NR3C2: variants seen among roughly 807,000 people sequenced by gnomAD.
NR3C2 encodes the protein nuclear receptor subfamily 3 group C member 2.
Under a neutral mutation model 86.4 loss-of-function variants are expected in NR3C2, and 15 were observed. The ratio of observed to expected loss-of-function variants is 0.17; its 90% CI spans 0.12 to 0.27. The LOEUF is 0.27. NR3C2 is among the 10% of genes least tolerant of loss of function. The probability of loss-of-function intolerance (pLI) is 1.00; values close to 1 mark genes in which losing one functional copy is unlikely to be tolerated. For synonymous variants in NR3C2, 458 were observed against 450.5 expected (o/e 1.02, Z -0.21); for missense variants, 960 against 1,195.6 (o/e 0.80, Z 2.91).
intron 3 of NR3C2, among the ~76,000 whole-genome samples, chr4:148,202,872 G>A (rs569159059): frequency 1.3e-5 from 2 of 152,232 alleles, no homozygotes; most frequent in South Asian, 4.2e-4. Flanking sequence ...AGGGAATGTG[G>A]TCATTATGGG....
intron 3 of NR3C2, among the ~76,000 whole-genome samples, chr4:148,212,770 C>T (rs1417406300): frequency 2.0e-5 from 3 of 152,180 alleles, no homozygotes; most frequent in South Asian, 2.1e-4. Context: ...AAAATTTAAT[C>T]GCATGATCCA....
At chr4:148,377,121 A>C (rs867456261) in intron 2 of NR3C2, among the ~76,000 whole-genome samples, 1 of 152,220 alleles carries the variant, frequency 6.6e-6, no homozygotes, top group Non-Finnish European at 1.5e-5. Context: ...TAGGGAAGGA[A>C]GACAAAAGAA....
Position 148,181,505 on chromosome 4 carries a change from G to A in NR3C2, c.2014+13241C>T, listed in dbSNP as rs372097582. Among the ~76,000 whole-genome samples the A allele has an allele frequency of 1.8e-4, 27 of 152,250 alleles. No homozygotes were observed. The South Asian group carries it at 5.0e-3, about 28-fold the overall frequency. On this transcript the variant is annotated intron_variant, in intron 4 of 8. Coordinates refer to ENST00000358102, the MANE Select transcript of NR3C2 (RefSeq NM_000901.5). ...TCAAAGGACTCATTCTTGGTCTAAC[G>A]GCTGGCTAAATTTAGTGCTATGCTT... is the stretch of plus-strand genomic sequence containing the variant.
chr4:148,134,557 T>C (rs1264844449), intron 6 of NR3C2, among the ~76,000 whole-genome samples: 7 of 151,526 alleles, frequency 4.6e-5, no homozygotes, highest in African/African-American at 1.5e-4. Flanking sequence ...TTTGTTGGTT[T>C]TTTGTGTTCA....
chr4:148,194,909 A>G (rs1347486385), intron 3 of NR3C2, 47 bp from the exon 4 acceptor site: 1 of 1,275,692 alleles, frequency 7.8e-7, no homozygotes, highest in Admixed American at 1.7e-5. Flanking sequence ...GTACACTAGT[A>G]CAAAACATTA....
chr4:148,341,549 G>T lies in NR3C2; in HGVS notation c.1758-81432C>A, dbSNP rs561303449. ...GACCTAGTGTTTGAAAGCACAGTAG[G>T]GCAACTATAATAAATATAATTTGTT... is the stretch of plus-strand genomic sequence containing the variant. On this transcript the variant is annotated intron_variant, in intron 2 of 8. Transcript: ENST00000358102. 7.2e-5 allele frequency among the ~76,000 whole-genome samples: 11 copies of T among 152,104 alleles called. No homozygotes were observed. In the South Asian group the frequency reaches 1.7e-3, roughly 23 times the overall value.
At chr4:148,297,945 G>T (rs989394896) in intron 2 of NR3C2, among the ~76,000 whole-genome samples, 1 of 151,484 alleles carries the variant, frequency 6.6e-6, no homozygotes, top group Non-Finnish European at 1.5e-5. Context: ...AACACAAAAT[G>T]CTGGTGAGAA....
chr4:148,183,041 AATT>A (rs1210510915), intron 4 of NR3C2, among the ~76,000 whole-genome samples: 2 of 152,062 alleles, frequency 1.3e-5, no homozygotes, highest in Admixed American at 6.5e-5. Flanking sequence ...CTCATTGTTC[AATT>A]CCCACCTATG....
chr4:148,283,979 C>T (rs1028649514), intron 2 of NR3C2, among the ~76,000 whole-genome samples: 1 of 152,108 alleles, frequency 6.6e-6, no homozygotes, highest in African/African-American at 2.4e-5. Context: ...TATACTAATT[C>T]GATTCACTTC....
chr4:148,366,480 TC>T (rs1746146765), intron 2 of NR3C2, among the ~76,000 whole-genome samples: 3 of 19,366 alleles, frequency 1.5e-4, no homozygotes, highest in Non-Finnish European at 2.1e-4. Flanking sequence ...TAAAAAGTAC[TC>T]AGCACTTTTA....
intron 2 of NR3C2, among the ~76,000 whole-genome samples, chr4:148,295,820 A>G (rs1262393813): frequency 6.6e-6 from 1 of 151,934 alleles, no homozygotes. Context: ...CAATCACTGA[A>G]TCATGAAGAT....
chr4:148,319,654 T>A (rs1158267200), intron 2 of NR3C2, among the ~76,000 whole-genome samples: 1 of 150,862 alleles, frequency 6.6e-6, no homozygotes, highest in Non-Finnish European at 1.5e-5. Context: ...GAATGGGAGT[T>A]CACTCATGAT....
intron 2 of NR3C2, among the ~76,000 whole-genome samples, chr4:148,302,385 C>G (rs1279147731): frequency 1.2e-5 from 1 of 84,620 alleles, no homozygotes; most frequent in Non-Finnish European, 2.5e-5. Context: ...CTATTAATGG[C>G]CTTTAATAAT....
At chr4:148,397,379 C>T (rs1435785872) in intron 2 of NR3C2, among the ~76,000 whole-genome samples, 2 of 152,176 alleles carry the variant, frequency 1.3e-5, no homozygotes, top group African/African-American at 4.8e-5. Context: ...TGTCTGGAGC[C>T]AGAGTCCTGG....
At chr4:148,249,214 A>G (rs901575350) in intron 3 of NR3C2, among the ~76,000 whole-genome samples, 2 of 152,146 alleles carry the variant, frequency 1.3e-5, no homozygotes, top group African/African-American at 2.4e-5. Context: ...TCTCCAAACT[A>G]AAGCCCTAGG....
chr4:148,409,517 T>C (rs1390725160), intron 2 of NR3C2, among the ~76,000 whole-genome samples: 1 of 152,144 alleles, frequency 6.6e-6, no homozygotes, highest in African/African-American at 2.4e-5. Flanking sequence ...CTTTTAAACC[T>C]AAACTTCACC....
Position 148,119,395 on chromosome 4 carries a change from CAT to C in NR3C2, c.2641+761_2641+762del, listed in dbSNP as rs1232317402. 8.5e-5 allele frequency among the ~76,000 whole-genome samples: 13 copies of C among 152,326 alleles called. 1 individual carries two copies. In the East Asian group the frequency reaches 2.5e-3, roughly 29 times the overall value. On this transcript the variant is annotated intron_variant, in intron 7 of 8. Transcript: ENST00000358102. ...AACCCTCCAAGATCCAGCTGCATCACATGTCCCTCCCAGATCCCCAGAACTGA... is the reference window on the plus strand; with the variant it reads ...AACCCTCCAAGATCCAGCTGCATCACGTCCCTCCCAGATCCCCAGAACTGA...
At chr4:148,373,650 AT>A (rs978841766) in intron 2 of NR3C2, among the ~76,000 whole-genome samples, 2 of 151,040 alleles carry the variant, frequency 1.3e-5, no homozygotes, top group South Asian at 4.2e-4. Context: ...AATTTTTTGT[AT>A]TTTTTTAGTA....
chr4:148,427,277 T>C (rs1353538569), intron 2 of NR3C2, among the ~76,000 whole-genome samples: 1 of 152,118 alleles, frequency 6.6e-6, no homozygotes, highest in African/African-American at 2.4e-5. Flanking sequence ...CCATTATCCA[T>C]GGGAGTTAAG....
Sources: gnomAD v4.1 joint callset for allele counts (sites outside exome capture counted in the v4.1 genomes callset) on GRCh38, gnomAD v4.1.1 for gene constraint, MANE v1.5 for transcripts, NCBI Gene and HGNC (gene_info 2026-07-23, HGNC 2026-07-21) for gene names.